The following UBE3D variants were observed in gnomAD, a reference collection of about 807,000 sequenced individuals.
UBE3D encodes the protein ubiquitin protein ligase E3D, also known as E3 ubiquitin-protein ligase E3D.
A neutral mutation model predicts 49.6 loss-of-function variants in UBE3D; 48 were observed. The ratio of observed to expected loss-of-function variants is 0.97; its 90% CI spans 0.77 to 1.23. The LOEUF (loss-of-function observed/expected upper bound fraction) is 1.23. Among genes scored for constraint, UBE3D ranks in the 50% most tolerant of loss-of-function variants. The pLI, the probability that UBE3D is intolerant of heterozygous loss-of-function variation, is 0.00. For missense variants in UBE3D, 452 were observed against 468.4 expected (o/e 0.96, Z 0.32); for synonymous variants, 189 against 174.2 (o/e 1.08, Z -0.67).
Position 82,961,561 on chromosome 6 carries a change from G to A in UBE3D, c.1011-4111C>T, listed in dbSNP as rs149650848. On this transcript the variant is annotated intron_variant, in intron 8 of 9. Coordinates refer to ENST00000369747, the MANE Select transcript of UBE3D (RefSeq NM_198920.3). ...CCCGAATGCAAAGTCTGTGCTATTCGCACCACACCACACTGACTGCTGAGG... is the reference window on the plus strand; with the variant it reads ...CCCGAATGCAAAGTCTGTGCTATTCACACCACACCACACTGACTGCTGAGG... 5.7e-3 allele frequency among the ~76,000 whole-genome samples: 873 copies of A among 152,272 alleles called. 36 individuals carry two copies. Among genetic ancestry groups the A allele is most frequent in the Admixed American group, 0.049 (754 of 15,278 alleles).
chr6:82,898,510 A>G (rs1240942971), intron 9 of UBE3D, among the ~76,000 whole-genome samples: 1 of 152,208 alleles, frequency 6.6e-6, no homozygotes, highest in East Asian at 1.9e-4. Flanking sequence ...AAAAAGGGTG[A>G]GTTCATGTCC....
chr6:83,004,283 TCA>T (rs1562174274), intron 8 of UBE3D, among the ~76,000 whole-genome samples: 1 of 152,156 alleles, frequency 6.6e-6, no homozygotes, highest in Non-Finnish European at 1.5e-5. Flanking sequence ...AAATATACAT[TCA>T]CAGTGGCCTT....
intron 8 of UBE3D, among the ~76,000 whole-genome samples, chr6:83,013,613 G>A (rs1780496643): frequency 6.6e-6 from 1 of 152,122 alleles, no homozygotes; most frequent in Non-Finnish European, 1.5e-5. Flanking sequence ...AATCTTACTA[G>A]GCCTACCAGG....
At chr6:83,005,991 G>A (rs77177537) in intron 8 of UBE3D, among the ~76,000 whole-genome samples, 7,651 of 152,194 alleles carry the variant, frequency 0.05, 319 homozygotes, top group African/African-American at 0.11. Context: ...TTGGGAGGCT[G>A]AGATGGGTGT....
rs1421693196 is a variant in UBE3D, at chr6:83,045,704, T to C, written c.366-1045A>G. Among the ~76,000 whole-genome samples the C allele has an allele frequency of 2.0e-5, 3 of 152,166 alleles. No homozygotes were observed. In the East Asian group the frequency reaches 5.8e-4, roughly 29 times the overall value. The stretch of plus-strand genomic sequence containing the variant: ...CAGAAAACTTACAAAGGTAGTGTAT[T>C]AGTTCCCATATACACTTCACCCAGA... On this transcript the variant is annotated intron_variant, in intron 3 of 9. Coordinates refer to ENST00000369747, the MANE Select transcript of UBE3D (RefSeq NM_198920.3).
intron 8 of UBE3D, among the ~76,000 whole-genome samples, chr6:82,985,797 CTGTT>C (rs1370971130): frequency 5.3e-5 from 8 of 152,158 alleles, no homozygotes; most frequent in Non-Finnish European, 1.0e-4. Flanking sequence ...CATTTCCTCA[CTGTT>C]TGAGAGGCCA....
At chr6:82,921,308 C>T (rs1012947519) in intron 9 of UBE3D, among the ~76,000 whole-genome samples, 8 of 152,070 alleles carry the variant, frequency 5.3e-5, no homozygotes, top group African/African-American at 1.4e-4. Context: ...ATAACCAAAT[C>T]CTCTGAGGTA....
rs951602935 is a variant in UBE3D at position 82,986,920 on chromosome 6, C to T, written c.1011-29470G>A. Among the ~76,000 whole-genome samples the T allele has an allele frequency of 4.6e-5, 7 of 151,202 alleles. No homozygotes were observed. In the East Asian group the frequency reaches 7.7e-4, roughly 17 times the overall value. Reference sequence around the variant, plus strand: ...TATAATAGCTTTCAAAAAGCCTGCCCGCCTTTCCTTCCCTTCCTCCCTTCC... The same window carrying T: ...TATAATAGCTTTCAAAAAGCCTGCCTGCCTTTCCTTCCCTTCCTCCCTTCC... On this transcript the variant is annotated intron_variant, in intron 8 of 9. Transcript: ENST00000369747.
At chr6:83,049,669 G>A (rs565869217) in intron 3 of UBE3D, 4 of 407,670 alleles carry the variant, frequency 9.8e-6, no homozygotes, top group African/African-American at 4.2e-5. Context: ...GGGTCTCAAC[G>A]CCCTCATGAG....
At chr6:83,029,581 C>T (rs1317940887) in intron 5 of UBE3D, among the ~76,000 whole-genome samples, 2 of 152,170 alleles carry the variant, frequency 1.3e-5, no homozygotes. Context: ...TTACTAAGTA[C>T]CTGCTTATTA....
At chr6:83,023,077 C>A (rs758434575) in intron 6 of UBE3D, among the ~76,000 whole-genome samples, 14 of 152,062 alleles carry the variant, frequency 9.2e-5, no homozygotes, top group African/African-American at 3.1e-4. Flanking sequence ...AACAAATAAA[C>A]TGGAATAAAG....
intron 9 of UBE3D, among the ~76,000 whole-genome samples, chr6:82,930,688 T>C (rs546645200): frequency 6.6e-6 from 1 of 152,248 alleles, no homozygotes; most frequent in East Asian, 1.9e-4. Context: ...GCCCCTGACT[T>C]AGAGATCTGT....
chr6:83,010,781 T>G (rs112164304), intron 8 of UBE3D, among the ~76,000 whole-genome samples: 1 of 152,322 alleles, frequency 6.6e-6, no homozygotes, highest in East Asian at 1.9e-4. Context: ...AGTCTTTTCA[T>G]GTTTTTTTCT....
chr6:82,966,814 G>C (rs1017963750), intron 8 of UBE3D, among the ~76,000 whole-genome samples: 2 of 152,150 alleles, frequency 1.3e-5, no homozygotes, highest in African/African-American at 4.8e-5. Context: ...TATCAAGACA[G>C]ATGGATGCTG....
intron 1 of UBE3D, among the ~76,000 whole-genome samples, chr6:83,063,412 TAAAAAAAAAAA>T (rs201669450): frequency 6.6e-5 from 3 of 45,496 alleles, no homozygotes; most frequent in East Asian, 4.3e-4. Context: ...AGACGCTGTC[TAAAAAAAAAAA>T]AAAAAAAAAA....
At chr6:82,934,323 G>C (rs1488262380) in intron 9 of UBE3D, among the ~76,000 whole-genome samples, 1 of 152,166 alleles carries the variant, frequency 6.6e-6, no homozygotes, top group Non-Finnish European at 1.5e-5. Flanking sequence ...AGCAGTGTGA[G>C]AATGGACTAA....
intron 4 of UBE3D, among the ~76,000 whole-genome samples, chr6:83,041,876 CTT>C (rs756581747): frequency 1.3e-5 from 2 of 151,992 alleles, no homozygotes; most frequent in African/African-American, 2.4e-5. Context: ...TATTTTGACT[CTT>C]ATAAAAGGAT....
chr6:82,992,262 GC>G (rs1334591767), intron 8 of UBE3D, among the ~76,000 whole-genome samples: 8 of 113,902 alleles, frequency 7.0e-5, no homozygotes, highest in African/African-American at 2.8e-4. Flanking sequence ...TCGCTCTGTT[GC>G]CCGGGCTGGA....
intron 8 of UBE3D, among the ~76,000 whole-genome samples, chr6:82,963,275 C>G (rs1582480936): frequency 7.0e-6 from 1 of 143,534 alleles, no homozygotes; most frequent in South Asian, 2.2e-4. Context: ...TGAATTCATA[C>G]AGTATATCCT....
Sources: gnomAD v4.1 joint callset for allele counts (sites outside exome capture counted in the v4.1 genomes callset) on GRCh38, gnomAD v4.1.1 for gene constraint, MANE v1.5 for transcripts, NCBI Gene and HGNC (gene_info 2026-07-23, HGNC 2026-07-21) for gene names.